The following SYT14 variants were observed in gnomAD, a reference collection of about 807,000 sequenced individuals.
SYT14 encodes the protein synaptotagmin 14, also known as synaptotagmin-14.
In SYT14, 32 loss-of-function variants were observed where a neutral mutation model predicts 74.2. The ratio of observed to expected loss-of-function variants is 0.43; its 90% CI spans 0.33 to 0.58. The LOEUF (loss-of-function observed/expected upper bound fraction) is 0.58, where lower values mean the gene tolerates loss of function less well. Ranked by LOEUF, SYT14 falls within the 20% of genes least tolerant of loss-of-function variation. The probability of loss-of-function intolerance (pLI) is 0.05; values close to 1 mark genes in which losing one functional copy is unlikely to be tolerated. For synonymous variants in SYT14, 298 were observed against 337.7 expected (o/e 0.88, Z 1.29); for missense variants, 791 against 981.8 (o/e 0.81, Z 2.60).
intron 1 of SYT14, among the ~76,000 whole-genome samples, chr1:209,946,971 A>C (rs192223323): frequency 3.9e-5 from 6 of 152,328 alleles, no homozygotes; most frequent in African/African-American, 1.4e-4. Flanking sequence ...GTGCTCTACA[A>C]ATAGAAAACA....
chr1:210,064,249 C>G (rs182675392), intron 5 of SYT14, among the ~76,000 whole-genome samples: 1 of 152,038 alleles, frequency 6.6e-6, no homozygotes, highest in East Asian at 1.9e-4. Context: ...TTTTAAAAAT[C>G]TGTTATTTAT....
intron 5 of SYT14, among the ~76,000 whole-genome samples, chr1:210,087,709 T>A (rs2081764778): frequency 6.6e-6 from 1 of 152,196 alleles, no homozygotes; most frequent in South Asian, 2.1e-4. Flanking sequence ...ACACTGCATG[T>A]TTGATTGACT....
chr1:210,120,569 T>C (rs2082440472), intron 7 of SYT14, among the ~76,000 whole-genome samples: 1 of 152,166 alleles, frequency 6.6e-6, no homozygotes, highest in Non-Finnish European at 1.5e-5. Flanking sequence ...GGTAACCTGC[T>C]GTACAGGTTG....
At chr1:210,110,522 G>C (rs913771436) in intron 7 of SYT14, among the ~76,000 whole-genome samples, 1 of 152,190 alleles carries the variant, frequency 6.6e-6, no homozygotes, top group Non-Finnish European at 1.5e-5. Context: ...AGTCAAGAGG[G>C]AATGAAGTAT....
chr1:210,062,460 A>G (rs1322751908), intron 5 of SYT14, among the ~76,000 whole-genome samples: 1 of 151,924 alleles, frequency 6.6e-6, no homozygotes, highest in Non-Finnish European at 1.5e-5. Flanking sequence ...AATAATGTGC[A>G]AATGAATAAG....
chr1:210,103,377 C>A (rs750534655), intron 7 of SYT14, among the ~76,000 whole-genome samples: 1 of 151,656 alleles, frequency 6.6e-6, no homozygotes, highest in South Asian at 2.1e-4. Flanking sequence ...GATGAAACCC[C>A]GTCTCTACTA....
At chr1:210,064,974 A>G (rs968630522) in intron 5 of SYT14, among the ~76,000 whole-genome samples, 11 of 152,148 alleles carry the variant, frequency 7.2e-5, no homozygotes, top group Middle Eastern at 3.4e-3. Flanking sequence ...TCTAGTGGGT[A>G]TAAACTAGTA....
chr1:210,019,543 T>C (rs2080260981), intron 4 of SYT14, among the ~76,000 whole-genome samples: 1 of 152,208 alleles, frequency 6.6e-6, no homozygotes, highest in Non-Finnish European at 1.5e-5. Context: ...TGGCTACATA[T>C]TGGGCAAGCA....
At chr1:210,162,321 C>T (rs1449494630) in exon 10 of SYT14, 1 of 447,290 alleles carries the variant, frequency 2.2e-6, no homozygotes, top group East Asian at 7.0e-5. Flanking sequence ...TGTAAAGATT[C>T]CTCAGAACAG....
At chr1:209,964,607 T>G (rs1357858254) in intron 2 of SYT14, among the ~76,000 whole-genome samples, 1 of 152,206 alleles carries the variant, frequency 6.6e-6, no homozygotes, top group Non-Finnish European at 1.5e-5. Flanking sequence ...TATTCCAAAA[T>G]AATCCTTTTT....
chr1:210,146,810 CAT>C (rs1271844222), intron 7 of SYT14, among the ~76,000 whole-genome samples: 1 of 150,832 alleles, frequency 6.6e-6, no homozygotes, highest in Non-Finnish European at 1.5e-5. Context: ...ATATATACTA[CAT>C]ATATATACTA....
intron 5 of SYT14, among the ~76,000 whole-genome samples, chr1:210,055,898 A>G (rs1404328946): frequency 1.3e-5 from 2 of 152,200 alleles, no homozygotes; most frequent in Non-Finnish European, 2.9e-5. Context: ...GTTCACCTTT[A>G]ACCATTTAGA....
intron 7 of SYT14, among the ~76,000 whole-genome samples, chr1:210,151,374 A>G (rs1268611326): frequency 6.6e-6 from 1 of 152,064 alleles, no homozygotes; most frequent in Non-Finnish European, 1.5e-5. Context: ...GGCAGACAGC[A>G]TCGATATTTA....
At chr1:210,092,780 C>T (rs1356461755) in intron 5 of SYT14, among the ~76,000 whole-genome samples, 1 of 152,168 alleles carries the variant, frequency 6.6e-6, no homozygotes, top group Non-Finnish European at 1.5e-5. Flanking sequence ...ATTCAACCAA[C>T]CTCAGATGGA....
chr1:209,943,508 CAAAAAAAAAAAAAAAAA>C (rs58806792), intron 1 of SYT14, among the ~76,000 whole-genome samples: 1 of 59,308 alleles, frequency 1.7e-5, no homozygotes. Flanking sequence ...GATTCAATCT[CAAAAAAAAAAAAAAAAA>C]AAAAAAAAAA....
At chr1:210,080,654 A>G (rs2081599909) in intron 5 of SYT14, among the ~76,000 whole-genome samples, 1 of 152,034 alleles carries the variant, frequency 6.6e-6, no homozygotes, top group Non-Finnish European at 1.5e-5. Flanking sequence ...GTTGCTGGGC[A>G]CTGCAGGTAC....
intron 2 of SYT14, among the ~76,000 whole-genome samples, chr1:210,003,603 T>C (rs1294369610): frequency 6.6e-6 from 1 of 152,142 alleles, no homozygotes; most frequent in East Asian, 1.9e-4. Flanking sequence ...ATAGGCCCTC[T>C]AGGCCCTGAA....
chr1:210,032,177 G>A (rs147080384), intron 5 of SYT14, among the ~76,000 whole-genome samples: 70 of 152,078 alleles, frequency 4.6e-4, no homozygotes, highest in African/African-American at 1.5e-3. Context: ...GAAAGATTAA[G>A]TACACTGCCA....
intron 2 of SYT14, among the ~76,000 whole-genome samples, chr1:209,984,732 C>G (rs1193231286): frequency 6.6e-6 from 1 of 152,132 alleles, no homozygotes; most frequent in Non-Finnish European, 1.5e-5. Flanking sequence ...TTAATTGGCT[C>G]ACGGTTCTGC....
Sources: allele counts gnomAD v4.1 joint callset (sites outside exome capture counted in the v4.1 genomes callset), GRCh38; gene constraint gnomAD v4.1.1; transcripts MANE v1.5; gene names NCBI Gene and HGNC (gene_info 2026-07-23, HGNC 2026-07-21).